B3GALT1: variants seen among roughly 807,000 people sequenced by gnomAD.
B3GALT1 encodes the protein beta-1,3-galactosyltransferase 1.
Under a neutral mutation model 23.2 loss-of-function variants are expected in B3GALT1, and 10 were observed. The observed-to-expected ratio is 0.43, with a 90% confidence interval of 0.27 to 0.73. B3GALT1 has a LOEUF of 0.73. Among genes scored for constraint, B3GALT1 ranks in the 30% least tolerant of loss-of-function variants. The pLI, the probability that B3GALT1 is intolerant of heterozygous loss-of-function variation, is 0.21. For synonymous variants in B3GALT1, 156 were observed against 141.5 expected, an observed-to-expected ratio of 1.10 and a Z score of -0.73; for missense variants, 299 against 405.4, an observed-to-expected ratio of 0.74 and a Z score of 2.25.
At chr2:167,306,029 TG>T (rs576658100) in intron 1 of B3GALT1, among the ~76,000 whole-genome samples, 136 of 152,120 alleles carry the variant, frequency 8.9e-4, no homozygotes, top group African/African-American at 3.2e-3. Flanking sequence ...TGGCAGTATG[TG>T]GGGAAAATAA....
At chr2:167,745,496 T>C (rs1687639294) in intron 3 of B3GALT1, among the ~76,000 whole-genome samples, 1 of 152,182 alleles carries the variant, frequency 6.6e-6, no homozygotes, top group Non-Finnish European at 1.5e-5. Flanking sequence ...GAAACTCCAT[T>C]TTGTTGTTTG....
At chr2:167,789,781 C>T (rs1310488264) in intron 3 of B3GALT1, among the ~76,000 whole-genome samples, 1 of 152,108 alleles carries the variant, frequency 6.6e-6, no homozygotes, top group African/African-American at 2.4e-5. Flanking sequence ...CACCTTTCCT[C>T]CTCCCCCACA....
At chr2:167,327,149 G>C (rs1696909032) in intron 1 of B3GALT1, among the ~76,000 whole-genome samples, 1 of 152,022 alleles carries the variant, frequency 6.6e-6, no homozygotes, top group South Asian at 2.1e-4. Flanking sequence ...ATGCTGTTTT[G>C]TTTACTATAC....
At chr2:167,714,095 T>G (rs1285468605) in intron 3 of B3GALT1, 2 of 1,532,074 alleles carry the variant, frequency 1.3e-6, no homozygotes, top group Non-Finnish European at 1.8e-6. Context: ...GGATTCCATT[T>G]CTGAAGGCAT....
intron 1 of B3GALT1, among the ~76,000 whole-genome samples, chr2:167,358,551 CT>C (rs915224851): frequency 6.6e-6 from 1 of 151,634 alleles, no homozygotes; most frequent in Admixed American, 6.6e-5. Flanking sequence ...TAATAATGAA[CT>C]TTTTTTTAGT....
chr2:167,301,392 T>G (rs1271563689), intron 1 of B3GALT1, among the ~76,000 whole-genome samples: 29 of 152,208 alleles, frequency 1.9e-4, no homozygotes, highest in Admixed American at 1.8e-3. Context: ...TCAGCATCAG[T>G]ACTTTTTCTG....
intron 3 of B3GALT1, among the ~76,000 whole-genome samples, chr2:167,740,290 C>T (rs1474050017): frequency 6.6e-6 from 1 of 151,874 alleles, no homozygotes; most frequent in Non-Finnish European, 1.5e-5. Context: ...TAATTTCATG[C>T]CAGAAAATGA....
intron 3 of B3GALT1, among the ~76,000 whole-genome samples, chr2:167,649,952 G>A (rs897550026): frequency 6.6e-6 from 1 of 151,928 alleles, no homozygotes; most frequent in Non-Finnish European, 1.5e-5. Context: ...ACAATACAAT[G>A]TTGAATAGAT....
intron 3 of B3GALT1, among the ~76,000 whole-genome samples, chr2:167,734,191 C>T (rs1046862425): frequency 1.3e-5 from 2 of 152,202 alleles, no homozygotes; most frequent in Admixed American, 6.5e-5. Context: ...AACATAAGTC[C>T]AGGGAATGTT....
At chr2:167,728,797 G>T (rs916696004) in intron 3 of B3GALT1, among the ~76,000 whole-genome samples, 1 of 151,860 alleles carries the variant, frequency 6.6e-6, no homozygotes, top group Non-Finnish European at 1.5e-5. Context: ...GAATATTTAG[G>T]TTTTTTTCAA....
chr2:167,508,959 T>C (rs1699963562), intron 2 of B3GALT1, among the ~76,000 whole-genome samples: 1 of 152,202 alleles, frequency 6.6e-6, no homozygotes. Context: ...TTCCAATGGG[T>C]TAAGGGAGAA....
rs142708412 is a variant in B3GALT1, at chr2:167,668,717, G to T, written c.-352+21751G>T. Among the ~76,000 whole-genome samples, 336 of 152,280 alleles carry T rather than the reference G, an allele frequency of 2.2e-3. 3 individuals are homozygous for T. The highest frequency in any genetic ancestry group is 7.8e-3 in the African/African-American group (324 of 41,564). On this transcript the variant is annotated intron_variant, in intron 3 of 4. Transcript: ENST00000392690. Reference sequence around the variant, plus strand: ...GTGGGAGTGACCCGATTTTCCAGGTGCCGTCTGTCACCCCTTTCTTTGACT... The same window carrying T: ...GTGGGAGTGACCCGATTTTCCAGGTTCCGTCTGTCACCCCTTTCTTTGACT...
intron 2 of B3GALT1, among the ~76,000 whole-genome samples, chr2:167,641,554 A>G (rs1220129292): frequency 6.6e-6 from 1 of 152,234 alleles, no homozygotes; most frequent in Non-Finnish European, 1.5e-5. Flanking sequence ...ATACAGGTAT[A>G]ACACATGTTA....
intron 3 of B3GALT1, among the ~76,000 whole-genome samples, chr2:167,789,907 G>T (rs143557135): frequency 6.6e-6 from 1 of 152,132 alleles, no homozygotes; most frequent in Admixed American, 6.5e-5. Flanking sequence ...AAGGGTGACC[G>T]TGCGGTAGGC....
intron 4 of B3GALT1, among the ~76,000 whole-genome samples, chr2:167,845,708 A>C (rs1373660207): frequency 1.3e-5 from 2 of 149,280 alleles, no homozygotes; most frequent in African/African-American, 4.9e-5. Flanking sequence ...CCGCGCCCCC[A>C]CCCCCCCGCA....
At chr2:167,536,063 T>A (rs934940058) in intron 2 of B3GALT1, among the ~76,000 whole-genome samples, 6 of 152,084 alleles carry the variant, frequency 3.9e-5, no homozygotes, top group African/African-American at 1.2e-4. Context: ...AGCTCCACCA[T>A]GCCCAGCTAA....
At chr2:167,860,078 G>A (rs1574305843) in intron 4 of B3GALT1, among the ~76,000 whole-genome samples, 1 of 152,278 alleles carries the variant, frequency 6.6e-6, no homozygotes, top group East Asian at 1.9e-4. Context: ...AAGGGGAGGA[G>A]TTGGGTATCA....
At chr2:167,313,773 A>G (rs1696668354) in intron 1 of B3GALT1, among the ~76,000 whole-genome samples, 1 of 152,162 alleles carries the variant, frequency 6.6e-6, no homozygotes, top group African/African-American at 2.4e-5. Flanking sequence ...ACAACAAGCT[A>G]GTTTTCCAAC....
At chr2:167,485,072 C>T (rs887425050) in intron 1 of B3GALT1, among the ~76,000 whole-genome samples, 1 of 152,042 alleles carries the variant, frequency 6.6e-6, no homozygotes, top group Non-Finnish European at 1.5e-5. Flanking sequence ...GCATGTCCAA[C>T]CCCCACTTCC....
Sources: gnomAD v4.1 joint callset for allele counts (sites outside exome capture counted in the v4.1 genomes callset) on GRCh38, gnomAD v4.1.1 for gene constraint, MANE v1.5 for transcripts, NCBI Gene and HGNC (gene_info 2026-07-23, HGNC 2026-07-21) for gene names.